FOXN2: variants seen among roughly 807,000 people sequenced by gnomAD.
FOXN2 encodes forkhead box N2.
In FOXN2, 19 loss-of-function variants were observed where a neutral mutation model predicts 41.2. The ratio of observed to expected loss-of-function variants is 0.46; its 90% CI spans 0.32 to 0.68. FOXN2 has a LOEUF of 0.68. Among genes scored for constraint, FOXN2 ranks in the 30% least tolerant of loss-of-function variants. The pLI, the probability that FOXN2 is intolerant of heterozygous loss-of-function variation, is 0.03. For missense variants in FOXN2, 587 were observed against 509.4 expected, an observed-to-expected ratio of 1.15 and a Z score of -1.47; for synonymous variants, 195 against 176.8, an observed-to-expected ratio of 1.10 and a Z score of -0.82.
intron 4 of FOXN2, among the ~76,000 whole-genome samples, chr2:48,360,405 G>A (rs952301713): frequency 1.3e-5 from 2 of 152,106 alleles, no homozygotes; most frequent in African/African-American, 4.8e-5. Flanking sequence ...ACTCCCAGCT[G>A]CAGCAATCAT....
chr2:48,329,116 A>T (rs1051990932), intron 2 of FOXN2, among the ~76,000 whole-genome samples: 2 of 152,182 alleles, frequency 1.3e-5, no homozygotes, highest in Admixed American at 1.3e-4. Flanking sequence ...TATGCAGAAA[A>T]TATCAGGTTT....
At chr2:48,353,444 T>C (rs1671581824) in intron 3 of FOXN2, among the ~76,000 whole-genome samples, 1 of 152,196 alleles carries the variant, frequency 6.6e-6, no homozygotes, top group South Asian at 2.1e-4. Flanking sequence ...ATTCTGTTTG[T>C]TACCTTTATA....
intron 2 of FOXN2, among the ~76,000 whole-genome samples, chr2:48,337,291 CTTT>C (rs368224826): frequency 7.1e-6 from 1 of 140,530 alleles, no homozygotes; most frequent in Admixed American, 7.1e-5. Context: ...GATTGGATCT[CTTT>C]TTTTTTTTTT....
In FOXN2 at chr2:48,375,129, G is replaced by A; in HGVS notation, c.982G>A (p.Glu328Lys). The change falls in exon 7 of 7, where the codon GAG becomes AAG. Residue 328 changes from glutamate (E) to lysine (K), a missense_variant. Coordinates refer to ENST00000340553, the MANE Select transcript of FOXN2 (RefSeq NM_002158.4). ...SSVSSLSSVD[E>K]VYEFIPKNSH... ...CGTGTCTTCCCTGTCTTCTGTGGAT[G>A]AGGTATATGAATTTATCCCAAAGAA... The A allele has an allele frequency of 1.2e-6, 2 of 1,614,088 alleles. No individual in the cohort carries two copies. The highest frequency in any genetic ancestry group is 1.7e-6 in the Non-Finnish European group (2 of 1,179,962).
chr2:48,357,455 A>T lies in FOXN2; in HGVS notation c.538-1592A>T, dbSNP rs148994428. On this transcript the variant is annotated intron_variant, in intron 3 of 6. Transcript: ENST00000340553. ...GCGTATCTTTTCTATATGAAACTGA[A>T]TTGGCTTTGGGGCAAAAGATGTTGT... Among the ~76,000 whole-genome samples the T allele has an allele frequency of 4.0e-3, 603 of 151,868 alleles. 6 individuals carry two copies. The highest frequency in any genetic ancestry group is 0.014 in the African/African-American group (568 of 41,390).
intron 1 of FOXN2, among the ~76,000 whole-genome samples, chr2:48,321,655 G>A (rs1669330191): frequency 1.3e-5 from 2 of 151,902 alleles, no homozygotes; most frequent in Admixed American, 6.6e-5. Flanking sequence ...TGTGGTAAGG[G>A]TAAAAGTATT....
In FOXN2 at chr2:48,353,619, G is replaced by C. The variant is rs183335949; in HGVS notation, c.538-5428G>C. ...GTGTGTGTGTGTGAAAGAGAAAGGG[G>C]GGAGTGATATTATTCAATAACCTTT... On this transcript the variant is annotated intron_variant, in intron 3 of 6. Transcript: ENST00000340553. Among the ~76,000 whole-genome samples the C allele has an allele frequency of 8.0e-5, 12 of 149,672 alleles. No homozygotes were observed. The East Asian group carries it at 2.3e-3, about 29-fold the overall frequency.
At chr2:48,324,226 G>T (rs529800373) in intron 1 of FOXN2, among the ~76,000 whole-genome samples, 2 of 103,782 alleles carry the variant, frequency 1.9e-5, no homozygotes, top group African/African-American at 3.6e-5. Context: ...ACAGAGTTTC[G>T]CTCTGTCTCC....
At chr2:48,321,361 C>T (rs754606319) in intron 1 of FOXN2, among the ~76,000 whole-genome samples, 24 of 151,940 alleles carry the variant, frequency 1.6e-4, no homozygotes, top group East Asian at 5.8e-4. Flanking sequence ...GGTGAAACCC[C>T]GTCTCTACTA....
chr2:48,340,672 A>G (rs1437221584), intron 2 of FOXN2: 1 of 151,990 alleles, frequency 6.6e-6, no homozygotes, highest in Non-Finnish European at 1.5e-5. Context: ...TATTTTATTT[A>G]TTTATTTATT....
intron 2 of FOXN2, among the ~76,000 whole-genome samples, chr2:48,344,277 C>T (rs62137005): frequency 0.23 from 34,978 of 152,050 alleles, 4,493 homozygotes; most frequent in East Asian, 0.52. Flanking sequence ...ATCGTTTGAT[C>T]TTTTCCTTTT....
intron 2 of FOXN2, among the ~76,000 whole-genome samples, chr2:48,339,071 GAT>G (rs1423543427): frequency 6.6e-6 from 1 of 152,024 alleles, no homozygotes; most frequent in Non-Finnish European, 1.5e-5. Context: ...CATATGTATA[GAT>G]ATATATTCAT....
intron 3 of FOXN2, among the ~76,000 whole-genome samples, chr2:48,352,607 A>C (rs1671518398): frequency 6.6e-6 from 1 of 152,208 alleles, no homozygotes; most frequent in East Asian, 1.9e-4. Context: ...ACTAATTATT[A>C]GATCTGGAGG....
At chr2:48,364,650 C>G (rs1672413895) in intron 5 of FOXN2, among the ~76,000 whole-genome samples, 1 of 152,194 alleles carries the variant, frequency 6.6e-6, no homozygotes, top group Non-Finnish European at 1.5e-5. Context: ...CTATCTTAGA[C>G]TAGAAAAGGG....
rs1234460675 is a variant in FOXN2, at chr2:48,376,292, GAC to G, written c.*854_*855del. 6.6e-6 allele frequency: 1 copy of G among 152,048 alleles called. No homozygotes were observed. The highest frequency in any genetic ancestry group is 1.9e-4 in the East Asian group (1 of 5,198). 9.4% of individuals were successfully genotyped at this position (152,048 alleles called of 1,614,324 possible). A position where few individuals can be genotyped will look rare whatever the true frequency, so the allele number is the denominator to read the frequency against. ...GTGTGTTATGGAGTACACCCATTTT[GAC>G]ACACTTGTAATAAGAGAATCTTTCA... On this transcript the variant is annotated 3_prime_UTR_variant, in exon 7 of 7. Coordinates refer to ENST00000340553, the MANE Select transcript of FOXN2 (RefSeq NM_002158.4).
At chr2:48,322,519 A>G (rs948473085) in intron 1 of FOXN2, among the ~76,000 whole-genome samples, 6 of 152,066 alleles carry the variant, frequency 3.9e-5, no homozygotes, top group African/African-American at 1.4e-4. Context: ...GCTCACGCGG[A>G]TTCTTGCACT....
In FOXN2 at chr2:48,343,502, T is replaced by TAATC. The variant is rs1450675232; in HGVS notation, c.-14-2698_-14-2695dup. Among the ~76,000 whole-genome samples the TAATC allele has an allele frequency of 2.0e-5, 3 of 152,214 alleles. No individual in the cohort carries two copies. In the East Asian group the frequency reaches 5.8e-4, roughly 29 times the overall value. ...AGCTAGGCATGGTGGCTCATGCCTG[T>TAATC]AATCCCAACACTTTGGGAAGCTGAG... On this transcript the variant is annotated intron_variant, in intron 2 of 6. Coordinates refer to ENST00000340553, the MANE Select transcript of FOXN2 (RefSeq NM_002158.4).
Position 48,357,618 on chromosome 2 carries a change from G to A in FOXN2, c.538-1429G>A, listed in dbSNP as rs529053289. Among the ~76,000 whole-genome samples the A allele has an allele frequency of 3.8e-4, 57 of 150,378 alleles. No homozygotes were observed. The Admixed American group carries it at 3.8e-3, about 10-fold the overall frequency. ...CACCAGGCTAATTTTTTCTATTTTT[G>A]TAGAGACAGAGTTTTGCTATGTTGC... On this transcript the variant is annotated intron_variant, in intron 3 of 6. Transcript: ENST00000340553.
At chr2:48,358,612 G>A (rs1236424760) in intron 3 of FOXN2, among the ~76,000 whole-genome samples, 2 of 151,952 alleles carry the variant, frequency 1.3e-5, no homozygotes, top group African/African-American at 2.4e-5. Context: ...GGAAATGGAA[G>A]GACTCTGGAG....
Sources: allele counts gnomAD v4.1 joint callset (sites outside exome capture counted in the v4.1 genomes callset), GRCh38; gene constraint gnomAD v4.1.1; transcripts MANE v1.5; gene names NCBI Gene and HGNC (gene_info 2026-07-23, HGNC 2026-07-21).